The following SLC19A2 variants were observed in gnomAD, a reference collection of about 807,000 sequenced individuals.
The protein encoded by SLC19A2 is solute carrier family 19 member 2, also known as thiamine transporter 1.
SLC19A2 carries 27 observed loss-of-function variants against 44.7 expected under a neutral mutation model. The observed-to-expected ratio is 0.60, with a 90% CI of 0.45 to 0.83. SLC19A2 has a LOEUF of 0.83. Ranked by LOEUF, SLC19A2 falls within the 40% of genes least tolerant of loss-of-function variation. The pLI, the probability that SLC19A2 is intolerant of heterozygous loss-of-function variation, is 0.00. For synonymous variants in SLC19A2, 239 were observed against 243.6 expected (o/e 0.98, Z 0.18); for missense variants, 566 against 613.7 (o/e 0.92, Z 0.82).
chr1:169,475,658 A>G (rs1245235801), intron 2 of SLC19A2, among the ~76,000 whole-genome samples: 1 of 152,054 alleles, frequency 6.6e-6, no homozygotes, highest in African/African-American at 2.4e-5. Context: ...ACTCTCTAAT[A>G]TCACCTAACA....
chr1:169,477,736 C>G lies in SLC19A2; in HGVS notation c.226G>C (p.Val76Leu). ...AGCACCAGGTAAGAGTAAGTCCATACTGGATAAATTTCATTGAAGACCTGG... is the reference window on the plus strand; with the variant it reads ...AGCACCAGGTAAGAGTAAGTCCATAGTGGATAAATTTCATTGAAGACCTGG... ...EREVFNEIYP[V>L]WTYSYLVLLF... The change falls in exon 2 of 6, where the codon GTA (valine) becomes CTA (leucine). Residue 76 changes from valine (V) to leucine (L), a missense_variant. Coordinates refer to ENST00000236137, the MANE Select transcript of SLC19A2 (RefSeq NM_006996.3). 5 of 1,609,944 alleles carry G rather than the reference C, an allele frequency of 3.1e-6. No individual in the cohort carries two copies. The South Asian group carries it at 5.5e-5, about 18-fold the overall frequency.
chr1:169,477,600 A>T lies in SLC19A2; in HGVS notation c.362T>A (p.Leu121Gln), dbSNP rs569889246. 1.6e-5 allele frequency: 26 copies of T among 1,614,200 alleles called. No homozygotes were observed. The South Asian group carries it at 2.5e-4, about 16-fold the overall frequency. The change falls in exon 2 of 6, where the codon CTG becomes CAG. Residue 121 changes from leucine (L) to glutamine (Q), a missense_variant. By Grantham distance (113) the Leu-to-Gln change is moderately radical. Coordinates refer to ENST00000236137, the MANE Select transcript of SLC19A2 (RefSeq NM_006996.3). ...AAATTCTAGAAATTGAATGGCCAGC[A>T]GTCCCTGGGCATAGAGCAGCATAAA... The part of the protein sequence containing the change: ...TWFMLLYAQG[L>Q]LAIQFLEFFY...
Position 169,485,677 on chromosome 1 carries a change from C to T in SLC19A2, c.90G>A (p.Trp30Ter). 6.4e-7 allele frequency: 1 copy of T among 1,550,512 alleles called. No individual in the cohort carries two copies. Among genetic ancestry groups the T allele is most frequent in the Non-Finnish European group, 8.7e-7 (1 of 1,147,318 alleles). The change falls in exon 1 of 6, where the codon TGG (tryptophan) becomes TGA (stop). Residue 30 changes from tryptophan (W) to a stop codon, truncating the protein, a stop_gained. Coordinates refer to ENST00000236137, the MANE Select transcript of SLC19A2 (RefSeq NM_006996.3). LOFTEE classifies it high-confidence loss of function. Reference sequence around the variant, plus strand: ...CGCAGAGCAGCGCGGTCGGCAAGAACCAGCATTCGCGACGGACCCGAGCGG... The same window carrying T: ...CGCAGAGCAGCGCGGTCGGCAAGAATCAGCATTCGCGACGGACCCGAGCGG... ...LRTARVRREC[W>*]FLPTALLCAY...
At chr1:169,481,579 G>C (rs1258504248) in intron 1 of SLC19A2, among the ~76,000 whole-genome samples, 2 of 152,136 alleles carry the variant, frequency 1.3e-5, no homozygotes, top group Non-Finnish European at 2.9e-5. Flanking sequence ...ATGCTTCCTT[G>C]ATATTTTGAA....
rs886045532 is a variant in SLC19A2 at position 169,485,869 on chromosome 1, C to G, written c.-103G>C. ...TGTAACCGCGAGTGACGCCTTCTCC[C>G]TGTAAGGCCAGGACGTTCTGGACTC... On this transcript the variant is annotated 5_prime_UTR_variant, in exon 1 of 6. Coordinates refer to ENST00000236137, the MANE Select transcript of SLC19A2 (RefSeq NM_006996.3). The G allele has an allele frequency of 7.6e-7, 1 of 1,317,758 alleles. No homozygotes were observed. Among genetic ancestry groups the G allele is most frequent in the Non-Finnish European group, 1.0e-6 (1 of 983,148 alleles). 81.6% of individuals were successfully genotyped at this position (1,317,758 alleles called of 1,614,324 possible).
At position 169,485,592 on chromosome 1, in the gene SLC19A2, C is replaced by T. The variant is rs1481370943; in HGVS notation, c.175G>A (p.Gly59Arg). The change falls in exon 1 of 6, where the codon GGG becomes AGG. Residue 59 changes from glycine (G) to arginine (R), a missense_variant. Gly to Arg is a moderately radical substitution (Grantham distance 125, BLOSUM62 -2). Coordinates refer to ENST00000236137, the MANE Select transcript of SLC19A2 (RefSeq NM_006996.3). ...SEPFLTPYLL[G>R]PDKNLTEREV... ...CTCTCGGTCAGGTTCTTGTCCGGCCCCAGCAGGTACGGGGTCAGGAAGGGC... is the reference window on the plus strand; with the variant it reads ...CTCTCGGTCAGGTTCTTGTCCGGCCTCAGCAGGTACGGGGTCAGGAAGGGC... 1 of 1,586,400 alleles carries T rather than the reference C, an allele frequency of 6.3e-7. No individual in the cohort carries two copies. The highest frequency in any genetic ancestry group is 8.6e-7 in the Non-Finnish European group (1 of 1,166,564).
chr1:169,485,478 C>A, intron 1 of SLC19A2, 85 bp downstream of exon 1: 4 of 1,417,964 alleles, frequency 2.8e-6, no homozygotes, highest in Non-Finnish European at 3.9e-6. Context: ...ATGGCTCGAG[C>A]GCTTTTCTCG....
At position 169,464,302 on chromosome 1, in the gene SLC19A2, AACAG is replaced by A. The variant is rs886045522; in HGVS notation, c.*1543_*1546del. 19 of 152,720 alleles carry A rather than the reference AACAG, an allele frequency of 1.2e-4. No individual in the cohort carries two copies. The East Asian group carries it at 1.9e-3, about 15-fold the overall frequency. The allele number at this position is 152,720 out of a possible 1,614,324, so 9.5% of individuals were successfully genotyped here. A position where few individuals can be genotyped will look rare whatever the true frequency, so the allele number is the denominator to read the frequency against. On this transcript the variant is annotated 3_prime_UTR_variant, in exon 6 of 6. Coordinates refer to ENST00000236137, the MANE Select transcript of SLC19A2 (RefSeq NM_006996.3). ...AAACAAAACAAAGCAAAAAAAGAAA[AACAG>A]ACAGAATGTAAAATGAAGGTTGCTA... is the stretch of plus-strand genomic sequence containing the variant.
rs796839726 is a variant in SLC19A2, at chr1:169,469,878, G to A, written c.1030+86C>T. 28 of 1,230,444 alleles carry A rather than the reference G, an allele frequency of 2.3e-5. No individual in the cohort carries two copies. The African/African-American group carries it at 2.8e-4, about 12-fold the overall frequency. The allele number at this position is 1,230,444 out of a possible 1,614,324, so 76.2% of individuals were successfully genotyped here. A position where few individuals can be genotyped will look rare whatever the true frequency, so the allele number is the denominator to read the frequency against. ...TTTTGAGGCTATTTCAAATTTGGGA[G>A]GGGTGAATAAATCTGATTATGGCTG... On this transcript the variant is annotated intron_variant, in intron 3 of 5. Transcript: ENST00000236137.
rs1658539563 is a variant in SLC19A2, at chr1:169,485,571, C to T, written c.196G>A (p.Glu66Lys). ...GCGTCCGCCGCGCGTACCTCCCTCTCGGTCAGGTTCTTGTCCGGCCCCAGC... is the reference window on the plus strand; with the variant it reads ...GCGTCCGCCGCGCGTACCTCCCTCTTGGTCAGGTTCTTGTCCGGCCCCAGC... ...YLLGPDKNLT[E>K]REVFNEIYPV... Residue 66 changes from glutamate to lysine, a missense_variant, in exon 1 of 6, where the codon GAG becomes AAG. Transcript: ENST00000236137. 6.3e-7 allele frequency: 1 copy of T among 1,585,702 alleles called. No homozygotes were observed. The highest frequency in any genetic ancestry group is 8.6e-7 in the Non-Finnish European group (1 of 1,166,300).
chr1:169,471,400 C>T (rs1344644338), intron 2 of SLC19A2, among the ~76,000 whole-genome samples: 1 of 150,862 alleles, frequency 6.6e-6, no homozygotes, highest in East Asian at 2.0e-4. Flanking sequence ...GAGGCCGTGG[C>T]AGGAGAAATG....
At chr1:169,470,790 GT>G (rs1266846564) in intron 2 of SLC19A2, among the ~76,000 whole-genome samples, 1 of 152,084 alleles carries the variant, frequency 6.6e-6, no homozygotes, top group Non-Finnish European at 1.5e-5. Flanking sequence ...TTATAATTGA[GT>G]GAAGCAAGAC....
intron 1 of SLC19A2, among the ~76,000 whole-genome samples, chr1:169,481,362 T>C (rs900305497): frequency 6.6e-6 from 1 of 152,246 alleles, no homozygotes; most frequent in Non-Finnish European, 1.5e-5. Context: ...CACACTAAAA[T>C]GCCTGGTTTC....
chr1:169,470,795 G>A (rs1020644489), intron 2 of SLC19A2, among the ~76,000 whole-genome samples: 3 of 152,068 alleles, frequency 2.0e-5, no homozygotes, highest in Admixed American at 1.3e-4. Flanking sequence ...ATTGAGTGAA[G>A]CAAGACATTA....
chr1:169,485,686 G>C lies in SLC19A2; in HGVS notation c.81C>G (p.Arg27=), dbSNP rs757380217. The C allele has an allele frequency of 2.6e-6, 4 of 1,548,928 alleles. No homozygotes were observed. The African/African-American group carries it at 5.5e-5, about 21-fold the overall frequency. Residue 27 remains arginine (R), a synonymous_variant, in exon 1 of 6, where the codon CGC becomes CGG. Transcript: ENST00000236137. ...GCGCGGTCGGCAAGAACCAGCATTC[G>C]CGACGGACCCGAGCGGTCCGCAGGA... ...TVLLRTARVR[R]ECWFLPTALL...
intron 1 of SLC19A2, among the ~76,000 whole-genome samples, chr1:169,478,878 G>T (rs1467561392): frequency 2.0e-5 from 3 of 151,468 alleles, no homozygotes; most frequent in African/African-American, 7.3e-5. Context: ...AGTGACTTAT[G>T]ATCACACCAC....
intron 2 of SLC19A2, among the ~76,000 whole-genome samples, chr1:169,471,875 T>A (rs1407391193): frequency 2.0e-5 from 3 of 152,110 alleles, no homozygotes; most frequent in Non-Finnish European, 4.4e-5. Flanking sequence ...TACCTTCTCA[T>A]ACCATCCCAA....
At chr1:169,475,295 AAAAAT>A (rs956373968) in intron 2 of SLC19A2, among the ~76,000 whole-genome samples, 2 of 152,158 alleles carry the variant, frequency 1.3e-5, no homozygotes, top group Non-Finnish European at 2.9e-5. Context: ...TGAATTTAAA[AAAAAT>A]AAAAGAATGT....
At position 169,475,284 on chromosome 1, in the gene SLC19A2, C is replaced by T. The variant is rs536762014; in HGVS notation, c.807+1871G>A. Among the ~76,000 whole-genome samples the T allele has an allele frequency of 9.9e-5, 15 of 151,900 alleles. No individual in the cohort carries two copies. The East Asian group carries it at 2.9e-3, about 29-fold the overall frequency. ...TAAAATTGATTTAGAGGACAGTGAA[C>T]TGAATTTAAAAAAAATAAAAGAATG... On this transcript the variant is annotated intron_variant, in intron 2 of 5. Coordinates refer to ENST00000236137, the MANE Select transcript of SLC19A2 (RefSeq NM_006996.3).
Sources: gnomAD v4.1 joint callset for allele counts (sites outside exome capture counted in the v4.1 genomes callset) on GRCh38, gnomAD v4.1.1 for gene constraint, MANE v1.5 for transcripts, NCBI Gene and HGNC (gene_info 2026-07-23, HGNC 2026-07-21) for gene names.